The following GRM7 variants were observed in gnomAD, a reference collection of about 807,000 sequenced individuals.
GRM7 encodes glutamate metabotropic receptor 7.
In GRM7, 35 loss-of-function variants were observed where a neutral mutation model predicts 84.5. That is an observed-to-expected ratio of 0.41 (90% CI 0.32 to 0.55). The LOEUF is 0.55. GRM7 is among the 20% of genes least tolerant of loss of function. The pLI is 0.19. For synonymous variants in GRM7, 487 were observed against 455.1 expected (o/e 1.07, Z -0.89); for missense variants, 1,003 against 1,194.6 (o/e 0.84, Z 2.36).
chr3:6,903,095 G>T (rs1696449945), intron 1 of GRM7, among the ~76,000 whole-genome samples: 1 of 151,952 alleles, frequency 6.6e-6, no homozygotes, highest in South Asian at 2.1e-4. Context: ...TTAACACATT[G>T]TGCATCTTTA....
chr3:7,191,466 T>C (rs1695710133), intron 2 of GRM7, among the ~76,000 whole-genome samples: 1 of 152,092 alleles, frequency 6.6e-6, no homozygotes, highest in Non-Finnish European at 1.5e-5. Flanking sequence ...TCTATGCACA[T>C]ATTTATTGCA....
intron 2 of GRM7, among the ~76,000 whole-genome samples, chr3:7,265,298 G>A (rs1698597351): frequency 6.6e-6 from 1 of 152,210 alleles, no homozygotes; most frequent in Non-Finnish European, 1.5e-5. Context: ...ATGTCTTTAT[G>A]TAATTTGCTT....
chr3:7,484,038 G>A (rs897532425), intron 7 of GRM7, among the ~76,000 whole-genome samples: 1 of 152,126 alleles, frequency 6.6e-6, no homozygotes, highest in Non-Finnish European at 1.5e-5. Context: ...ACTTTTTGAT[G>A]CAAAGATTCA....
At chr3:7,448,770 C>T (rs1215289084) in intron 5 of GRM7, among the ~76,000 whole-genome samples, 2 of 151,860 alleles carry the variant, frequency 1.3e-5, no homozygotes, top group Non-Finnish European at 2.9e-5. Flanking sequence ...AGGGATAAAG[C>T]CTGCAATGTT....
At chr3:7,543,871 C>T (rs1272363606) in intron 7 of GRM7, among the ~76,000 whole-genome samples, 3 of 152,124 alleles carry the variant, frequency 2.0e-5, no homozygotes, top group South Asian at 2.1e-4. Flanking sequence ...GTTTCATCCC[C>T]GGGCTTATAC....
At chr3:7,688,797 T>G (rs1273882842) in intron 9 of GRM7, among the ~76,000 whole-genome samples, 1 of 152,206 alleles carries the variant, frequency 6.6e-6, no homozygotes, top group Non-Finnish European at 1.5e-5. Flanking sequence ...AAAGCCACAC[T>G]GTTTACAGCA....
At chr3:6,866,071 G>A (rs1055913580) in intron 1 of GRM7, among the ~76,000 whole-genome samples, 1 of 152,152 alleles carries the variant, frequency 6.6e-6, no homozygotes, top group African/African-American at 2.4e-5. Flanking sequence ...TGTATTTCGT[G>A]TATACATACC....
At chr3:7,636,970 C>A (rs1407268743) in intron 8 of GRM7, among the ~76,000 whole-genome samples, 1 of 152,156 alleles carries the variant, frequency 6.6e-6, no homozygotes, top group Non-Finnish European at 1.5e-5. Flanking sequence ...GGTCTTCCCT[C>A]TTTATTATGG....
chr3:7,037,102 G>A (rs1050072290), intron 1 of GRM7, among the ~76,000 whole-genome samples: 4 of 152,032 alleles, frequency 2.6e-5, no homozygotes, highest in East Asian at 3.9e-4. Flanking sequence ...TTTGGCCTTC[G>A]GTGAATTTTT....
intron 1 of GRM7, among the ~76,000 whole-genome samples, chr3:7,112,178 G>C (rs1159904284): frequency 6.6e-6 from 1 of 151,984 alleles, no homozygotes; most frequent in East Asian, 1.9e-4. Context: ...TTTTATGAGA[G>C]AGGGTATGTT....
At chr3:7,653,321 A>G (rs770143453) in intron 8 of GRM7, among the ~76,000 whole-genome samples, 23 of 151,338 alleles carry the variant, frequency 1.5e-4, no homozygotes, top group Non-Finnish European at 4.4e-5. Flanking sequence ...CCTCTCTACT[A>G]GTCTTCAGAA....
intron 9 of GRM7, among the ~76,000 whole-genome samples, chr3:7,734,313 A>G (rs1367636859): frequency 6.6e-6 from 1 of 151,790 alleles, no homozygotes; most frequent in Non-Finnish European, 1.5e-5. Flanking sequence ...CATCTCACTG[A>G]GTAGAAAAAA....
intron 8 of GRM7, among the ~76,000 whole-genome samples, chr3:7,668,264 G>A (rs1699781516): frequency 6.6e-6 from 1 of 152,146 alleles, no homozygotes; most frequent in African/African-American, 2.4e-5. Flanking sequence ...TGTTTTCTGT[G>A]ATTATGCCAG....
chr3:7,361,101 T>G (rs1693642266), intron 4 of GRM7, among the ~76,000 whole-genome samples: 1 of 152,174 alleles, frequency 6.6e-6, no homozygotes, highest in Non-Finnish European at 1.5e-5. Flanking sequence ...CTAACCAGTG[T>G]TAACAGTTAT....
At chr3:7,638,252 A>T (rs1306874441) in intron 8 of GRM7, among the ~76,000 whole-genome samples, 1 of 152,214 alleles carries the variant, frequency 6.6e-6, no homozygotes. Context: ...CAATGATGAA[A>T]GTAGAAGCTC....
chr3:7,646,474 G>T (rs1055441311), intron 8 of GRM7, among the ~76,000 whole-genome samples: 1 of 152,090 alleles, frequency 6.6e-6, no homozygotes, highest in East Asian at 1.9e-4. Context: ...TTACAGACGT[G>T]AGCCGCCATG....
intron 1 of GRM7, among the ~76,000 whole-genome samples, chr3:7,041,848 C>T (rs1344017689): frequency 1.3e-5 from 2 of 152,136 alleles, no homozygotes; most frequent in African/African-American, 4.8e-5. Flanking sequence ...ATTTTAAGCC[C>T]CTTCTGCTCG....
intron 7 of GRM7, among the ~76,000 whole-genome samples, chr3:7,502,100 C>A (rs1474360607): frequency 6.6e-6 from 1 of 152,152 alleles, no homozygotes; most frequent in Non-Finnish European, 1.5e-5. Context: ...TGTCACCTTG[C>A]TAAGCTTCAC....
rs1332808653 is a variant in GRM7, at chr3:6,876,818, T to A, written c.519+14911T>A. ...GGTTTCACTATATTGGCCAGGCTGG[T>A]CTCAAACTCCTGACCTCAGATGATC... is the stretch of plus-strand genomic sequence containing the variant. On this transcript the variant is annotated intron_variant, in intron 1 of 9. Transcript: ENST00000357716. Among the ~76,000 whole-genome samples, 6 of 152,090 alleles carry A rather than the reference T, an allele frequency of 3.9e-5. No individual in the cohort carries two copies. The East Asian group carries it at 9.7e-4, about 25-fold the overall frequency.
Sources: allele counts gnomAD v4.1 joint callset (sites outside exome capture counted in the v4.1 genomes callset), GRCh38; gene constraint gnomAD v4.1.1; transcripts MANE v1.5; gene names NCBI Gene and HGNC (gene_info 2026-07-23, HGNC 2026-07-21).